The following HERPUD2 variants were observed in gnomAD, a reference collection of about 807,000 sequenced individuals.
HERPUD2 encodes the protein homocysteine-responsive endoplasmic reticulum-resident ubiquitin-like domain member 2 protein.
HERPUD2 carries 13 observed loss-of-function variants against 49.9 expected under a neutral mutation model. The ratio of observed to expected loss-of-function variants is 0.26; its 90% CI spans 0.17 to 0.41. The LOEUF (loss-of-function observed/expected upper bound fraction) is 0.41. Ranked by LOEUF, HERPUD2 falls within the 10% of genes least tolerant of loss-of-function variation. The pLI, the probability that HERPUD2 is intolerant of heterozygous loss-of-function variation, is 1.00. For synonymous variants in HERPUD2, 172 were observed against 171.4 expected, an observed-to-expected ratio of 1.00 and a Z score of -0.03; for missense variants, 449 against 492.2, an observed-to-expected ratio of 0.91 and a Z score of 0.83.
intron 2 of HERPUD2, among the ~76,000 whole-genome samples, chr7:35,682,189 T>G (rs2116016445): frequency 6.7e-6 from 1 of 149,672 alleles, no homozygotes; most frequent in African/African-American, 2.5e-5. Context: ...CAGGCATGCG[T>G]TATCACGCCT....
chr7:35,639,502 C>G, intron 5 of HERPUD2, among the ~76,000 whole-genome samples: 1 of 152,170 alleles, frequency 6.6e-6, no homozygotes, highest in East Asian at 1.9e-4. Context: ...CATTCCAACA[C>G]CGAACATGAT....
chr7:35,634,116 G>A (rs1214191747), intron 8 of HERPUD2, among the ~76,000 whole-genome samples, 196 bp downstream of exon 8: 1 of 152,110 alleles, frequency 6.6e-6, no homozygotes, highest in African/African-American at 2.4e-5. Flanking sequence ...TTCCCATTTA[G>A]TTATAATATA....
At chr7:35,659,999 G>A (rs1403163390) in intron 5 of HERPUD2, among the ~76,000 whole-genome samples, 1 of 151,816 alleles carries the variant, frequency 6.6e-6, no homozygotes, top group Non-Finnish European at 1.5e-5. Context: ...ATCTACATTA[G>A]GTATATCTCC....
At chr7:35,683,964 T>C (rs1025717120) in intron 2 of HERPUD2, among the ~76,000 whole-genome samples, 20 of 152,356 alleles carry the variant, frequency 1.3e-4, no homozygotes, top group Middle Eastern at 3.4e-3. Flanking sequence ...CTGGTGGGAA[T>C]ATAAACTAGT....
intron 2 of HERPUD2, among the ~76,000 whole-genome samples, chr7:35,682,357 G>GTGTGTGTGTGTA (rs1315389393): frequency 7.7e-5 from 2 of 25,826 alleles, no homozygotes; most frequent in African/African-American, 2.9e-4. Context: ...GTGTGTGTGT[G>GTGTGTGTGTGTA]TATATATATA....
intron 2 of HERPUD2, among the ~76,000 whole-genome samples, chr7:35,693,848 G>A (rs1210591157): frequency 1.2e-4 from 18 of 152,304 alleles, no homozygotes; most frequent in South Asian, 2.1e-4. Flanking sequence ...ATGTTGGTAA[G>A]GCTGGTCTCG....
At chr7:35,640,382 G>T (rs2115838325) in intron 5 of HERPUD2, among the ~76,000 whole-genome samples, 1 of 152,252 alleles carries the variant, frequency 6.6e-6, no homozygotes, top group South Asian at 2.1e-4. Flanking sequence ...GCTGGAGTTT[G>T]TCACTGTTTT....
chr7:35,687,713 T>A (rs1786094620), intron 2 of HERPUD2, among the ~76,000 whole-genome samples: 1 of 152,242 alleles, frequency 6.6e-6, no homozygotes, highest in African/African-American at 2.4e-5. Flanking sequence ...TTATTGAAAG[T>A]GTCTGACCCT....
At chr7:35,636,560 G>A (rs1434968374) in intron 6 of HERPUD2, among the ~76,000 whole-genome samples, 2 of 152,156 alleles carry the variant, frequency 1.3e-5, no homozygotes, top group Admixed American at 6.5e-5. Context: ...GTTCACAAAC[G>A]AGACAAGGTG....
intron 5 of HERPUD2, among the ~76,000 whole-genome samples, chr7:35,657,496 C>T (rs1427992071): frequency 2.0e-5 from 3 of 149,854 alleles, no homozygotes; most frequent in African/African-American, 4.9e-5. Context: ...GTAGCTCATA[C>T]GTGTAATTCC....
intron 5 of HERPUD2, among the ~76,000 whole-genome samples, chr7:35,653,330 G>C (rs1785204841): frequency 6.6e-6 from 1 of 151,952 alleles, no homozygotes; most frequent in Non-Finnish European, 1.5e-5. Flanking sequence ...CAACAAAGAA[G>C]GTCATTATAT....
intron 2 of HERPUD2, among the ~76,000 whole-genome samples, chr7:35,677,947 G>A (rs1021706705): frequency 3.9e-5 from 6 of 152,174 alleles, no homozygotes; most frequent in African/African-American, 1.4e-4. Context: ...TAAGTTAAGA[G>A]CGATAATAGA....
intron 2 of HERPUD2, among the ~76,000 whole-genome samples, chr7:35,683,076 A>G (rs1433599645): frequency 6.6e-6 from 1 of 152,194 alleles, no homozygotes; most frequent in Non-Finnish European, 1.5e-5. Flanking sequence ...AAAAATTCTA[A>G]AATTCATATG....
intron 3 of HERPUD2, 127 bp downstream of exon 3, chr7:35,673,074 T>G: frequency 1.6e-6 from 1 of 626,292 alleles, no homozygotes; most frequent in Non-Finnish European, 2.8e-6. Flanking sequence ...TTATCTTTAC[T>G]TGTTACACCA....
intron 5 of HERPUD2, among the ~76,000 whole-genome samples, chr7:35,659,762 C>T (rs1381885083): frequency 6.6e-6 from 1 of 152,144 alleles, no homozygotes; most frequent in African/African-American, 2.4e-5. Context: ...AATATATTCC[C>T]TAGGTGAAGC....
At chr7:35,664,088 G>C (rs549201193) in intron 5 of HERPUD2, among the ~76,000 whole-genome samples, 110 of 152,254 alleles carry the variant, frequency 7.2e-4, no homozygotes, top group Non-Finnish European at 4.9e-4. Context: ...AGGCAGGCCT[G>C]GTTGTGACAA....
rs2115809382 is a variant in HERPUD2 at position 35,633,525 on chromosome 7, G to A, written c.*165C>T. The A allele has an allele frequency of 2.3e-6, 1 of 432,554 alleles. No individual in the cohort carries two copies. The highest frequency in any genetic ancestry group is 4.0e-5 in the East Asian group (1 of 25,182). 26.8% of individuals were successfully genotyped at this position (432,554 alleles called of 1,614,324 possible). A position where few individuals can be genotyped will look rare whatever the true frequency, so the allele number is the denominator to read the frequency against. ...AAAAAAAAAACTCAGATATTTAGTA[G>A]TCCATTCGTGCTTAAAATATTCATA... On this transcript the variant is annotated 3_prime_UTR_variant, in exon 9 of 9. Coordinates refer to ENST00000311350, the MANE Select transcript of HERPUD2 (RefSeq NM_022373.5).
At chr7:35,639,524 T>C (rs1784932147) in intron 5 of HERPUD2, among the ~76,000 whole-genome samples, 2 of 152,198 alleles carry the variant, frequency 1.3e-5, no homozygotes, top group Admixed American at 6.5e-5. Flanking sequence ...CCAAAGTGTA[T>C]AATGTGAGAT....
Position 35,673,244 on chromosome 7 carries a change from C to G in HERPUD2, c.182G>C (p.Arg61Thr). ...TKDQRLVYSG[R>T]LLPDHLQLKD... ...CAGCTGCAGATGATCGGGAAGCAGTCTGCCCGAATACACCAATCTCTGATC... is the reference window on the plus strand; with the variant it reads ...CAGCTGCAGATGATCGGGAAGCAGTGTGCCCGAATACACCAATCTCTGATC... Residue 61 changes from arginine (R) to threonine (T), a missense_variant, in exon 3 of 9, where the codon AGA becomes ACA. Transcript: ENST00000311350. The G allele has an allele frequency of 6.2e-7, 1 of 1,612,112 alleles. No individual in the cohort carries two copies. The highest frequency in any genetic ancestry group is 1.7e-5 in the Admixed American group (1 of 59,574).
Sources: gnomAD v4.1 joint callset for allele counts (sites outside exome capture counted in the v4.1 genomes callset) on GRCh38, gnomAD v4.1.1 for gene constraint, MANE v1.5 for transcripts, NCBI Gene and HGNC (gene_info 2026-07-23, HGNC 2026-07-21) for gene names.